HS6ST3: variants seen among roughly 807,000 people sequenced by gnomAD.
HS6ST3 encodes heparan-sulfate 6-O-sulfotransferase 3.
In HS6ST3, 12 loss-of-function variants were observed where a neutral mutation model predicts 36.7. The observed-to-expected ratio is 0.33, with a 90% CI of 0.21 to 0.53. HS6ST3 has a LOEUF of 0.53. Among genes scored for constraint, HS6ST3 ranks in the 20% least tolerant of loss-of-function variants. The pLI, the probability that HS6ST3 is intolerant of heterozygous loss-of-function variation, is 0.95. For synonymous variants in HS6ST3, 240 were observed against 257.5 expected (o/e 0.93, Z 0.65); for missense variants, 584 against 640.9 (o/e 0.91, Z 0.96).
chr13:96,605,091 T>A (rs1208625735), intron 1 of HS6ST3, among the ~76,000 whole-genome samples: 1 of 152,154 alleles, frequency 6.6e-6, no homozygotes, highest in Non-Finnish European at 1.5e-5. Flanking sequence ...CTGGTGGTTT[T>A]CCAGCTCAGT....
At position 96,132,417 on chromosome 13, in the gene HS6ST3, T is replaced by A. The variant is rs944062463; in HGVS notation, c.707+40848T>A. Among the ~76,000 whole-genome samples, 22 of 152,168 alleles carry A rather than the reference T, an allele frequency of 1.4e-4. 1 individual carries two copies. Among genetic ancestry groups the A allele is most frequent in the African/African-American group, 4.8e-4 (20 of 41,506 alleles). ...GCTGAATTTTTTCTTTTTCTTTTTT[T>A]TTTTTAAGACAGGGTCTTGCTCTGT... On this transcript the variant is annotated intron_variant, in intron 1 of 1. Coordinates refer to ENST00000376705, the MANE Select transcript of HS6ST3 (RefSeq NM_153456.4).
At chr13:96,670,368 A>G (rs1036140421) in intron 1 of HS6ST3, among the ~76,000 whole-genome samples, 3 of 152,294 alleles carry the variant, frequency 2.0e-5, no homozygotes, top group African/African-American at 7.2e-5. Flanking sequence ...GCTAGTGAAT[A>G]TAGACATCTT....
At chr13:96,096,374 G>T (rs540057340) in intron 1 of HS6ST3, among the ~76,000 whole-genome samples, 1 of 152,336 alleles carries the variant, frequency 6.6e-6, no homozygotes, top group South Asian at 2.1e-4. Flanking sequence ...CTTGAGGAAT[G>T]TCTGGGTAAC....
chr13:96,674,400 A>ATATT (rs1162455508), intron 1 of HS6ST3, among the ~76,000 whole-genome samples: 2 of 152,114 alleles, frequency 1.3e-5, no homozygotes, highest in East Asian at 3.9e-4. Context: ...ACAGACTAAT[A>ATATT]CACTGTGAAA....
chr13:96,484,638 T>C (rs2055905458), intron 1 of HS6ST3, among the ~76,000 whole-genome samples: 1 of 152,216 alleles, frequency 6.6e-6, no homozygotes, highest in South Asian at 2.1e-4. Flanking sequence ...CTTAGCGTAA[T>C]GTCCTCCAGA....
At chr13:96,474,319 A>G (rs970204769) in intron 1 of HS6ST3, among the ~76,000 whole-genome samples, 4 of 152,178 alleles carry the variant, frequency 2.6e-5, no homozygotes, top group African/African-American at 9.7e-5. Flanking sequence ...AAGCTTGGGA[A>G]AGGTGACGAT....
At chr13:96,185,108 T>A (rs1164707178) in intron 1 of HS6ST3, among the ~76,000 whole-genome samples, 1 of 152,206 alleles carries the variant, frequency 6.6e-6, no homozygotes, top group African/African-American at 2.4e-5. Flanking sequence ...GTATTTAAAA[T>A]ATATGATCTT....
At chr13:96,615,571 A>G (rs1355295383) in intron 1 of HS6ST3, among the ~76,000 whole-genome samples, 12 of 152,202 alleles carry the variant, frequency 7.9e-5, no homozygotes, top group Non-Finnish European at 1.5e-5. Context: ...ATATCTGAAA[A>G]TAAGTTGGAA....
intron 1 of HS6ST3, among the ~76,000 whole-genome samples, chr13:96,596,611 C>G (rs919530931): frequency 3.3e-5 from 5 of 152,000 alleles, no homozygotes; most frequent in African/African-American, 1.2e-4. Flanking sequence ...TCACTACATC[C>G]GTGTCAACAT....
At chr13:96,758,960 T>C (rs1221973096) in intron 1 of HS6ST3, among the ~76,000 whole-genome samples, 1 of 151,866 alleles carries the variant, frequency 6.6e-6, no homozygotes, top group Non-Finnish European at 1.5e-5. Context: ...TTTTTCCCTT[T>C]AGATTTCTCA....
chr13:96,578,510 T>C (rs1383101062), intron 1 of HS6ST3, among the ~76,000 whole-genome samples: 2 of 152,198 alleles, frequency 1.3e-5, no homozygotes, highest in Non-Finnish European at 2.9e-5. Context: ...CCTTTGTCCT[T>C]GGGCTGCTGA....
At chr13:96,495,144 G>GT (rs1243820877) in intron 1 of HS6ST3, among the ~76,000 whole-genome samples, 5 of 151,874 alleles carry the variant, frequency 3.3e-5, no homozygotes, top group Admixed American at 1.3e-4. Flanking sequence ...GTTTTGTTTT[G>GT]TTTTTTACAC....
At chr13:96,533,451 G>T (rs1396466977) in intron 1 of HS6ST3, among the ~76,000 whole-genome samples, 1 of 152,160 alleles carries the variant, frequency 6.6e-6, no homozygotes, top group African/African-American at 2.4e-5. Flanking sequence ...ATTATGTTCT[G>T]CATCTGTTTA....
At chr13:96,236,940 TCA>T (rs1404207326) in intron 1 of HS6ST3, among the ~76,000 whole-genome samples, 1 of 152,216 alleles carries the variant, frequency 6.6e-6, no homozygotes, top group Non-Finnish European at 1.5e-5. Context: ...TTTAATTGAC[TCA>T]CAGTTCCATG....
chr13:96,352,272 A>G (rs1274694929), intron 1 of HS6ST3, among the ~76,000 whole-genome samples: 1 of 152,154 alleles, frequency 6.6e-6, no homozygotes, highest in Non-Finnish European at 1.5e-5. Flanking sequence ...ATTTGCGAAC[A>G]GTTTTGTTGG....
At chr13:96,316,310 G>T (rs1453319154) in intron 1 of HS6ST3, among the ~76,000 whole-genome samples, 1 of 150,580 alleles carries the variant, frequency 6.6e-6, no homozygotes, top group Non-Finnish European at 1.5e-5. Flanking sequence ...TATGTGTACA[G>T]TGGATGTGTA....
chr13:96,244,796 C>T (rs2054577226), intron 1 of HS6ST3, among the ~76,000 whole-genome samples: 1 of 152,120 alleles, frequency 6.6e-6, no homozygotes, highest in African/African-American at 2.4e-5. Flanking sequence ...TGGCCTATAA[C>T]AGAAGTCTGC....
At chr13:96,726,083 T>G (rs1306541291) in intron 1 of HS6ST3, among the ~76,000 whole-genome samples, 1 of 152,050 alleles carries the variant, frequency 6.6e-6, no homozygotes, top group Non-Finnish European at 1.5e-5. Flanking sequence ...CGATCCACCC[T>G]CCTCGGCCTC....
At chr13:96,547,375 C>G (rs1446354620) in intron 1 of HS6ST3, among the ~76,000 whole-genome samples, 1 of 152,158 alleles carries the variant, frequency 6.6e-6, no homozygotes, top group African/African-American at 2.4e-5. Flanking sequence ...TGCCCAGCCC[C>G]TCAGTCTAGT....
Sources: gnomAD v4.1 joint callset for allele counts (sites outside exome capture counted in the v4.1 genomes callset) on GRCh38, gnomAD v4.1.1 for gene constraint, MANE v1.5 for transcripts, NCBI Gene and HGNC (gene_info 2026-07-23, HGNC 2026-07-21) for gene names.